The following METTL15 variants were observed in gnomAD, a reference collection of about 807,000 sequenced individuals.
METTL15 encodes methyltransferase 15, mitochondrial 12S rRNA N4-cytidine.
METTL15 carries 34 observed loss-of-function variants against 38.3 expected under a neutral mutation model. That is an observed-to-expected ratio of 0.89 (90% CI 0.68 to 1.18). The LOEUF (loss-of-function observed/expected upper bound fraction) is 1.18. Ranked by LOEUF, METTL15 falls within the 50% of genes most tolerant of loss-of-function variation. The pLI is 0.00. For synonymous variants in METTL15, 162 were observed against 170.9 expected (o/e 0.95, Z 0.41); for missense variants, 438 against 498.4 (o/e 0.88, Z 1.15).
At chr11:28,401,774 A>C (rs765334327) in intron 5 of METTL15, among the ~76,000 whole-genome samples, 8 of 151,982 alleles carry the variant, frequency 5.3e-5, no homozygotes, top group Non-Finnish European at 8.8e-5. Flanking sequence ...TGTAATTCAT[A>C]AGTTCTTGAG....
At chr11:28,138,671 A>G (rs185426585) in intron 3 of METTL15, among the ~76,000 whole-genome samples, 1 of 152,230 alleles carries the variant, frequency 6.6e-6, no homozygotes, top group African/African-American at 2.4e-5. Context: ...CTAACCGGAA[A>G]GTACTCATTC....
intron 6 of METTL15, among the ~76,000 whole-genome samples, chr11:28,450,861 G>A (rs1312703354): frequency 2.0e-5 from 3 of 152,100 alleles, no homozygotes; most frequent in African/African-American, 2.4e-5. Flanking sequence ...CATGTTCTAG[G>A]AGCCAACTAC....
intron 4 of METTL15, among the ~76,000 whole-genome samples, chr11:28,238,793 T>C (rs1276624989): frequency 6.6e-6 from 1 of 152,156 alleles, no homozygotes; most frequent in Non-Finnish European, 1.5e-5. Context: ...AGCTTTCAAC[T>C]GCCCCACCCC....
intron 6 of METTL15, among the ~76,000 whole-genome samples, chr11:28,298,157 CT>C (rs1856802278): frequency 6.6e-6 from 1 of 151,910 alleles, no homozygotes; most frequent in Non-Finnish European, 1.5e-5. Flanking sequence ...ATTTTCCCCC[CT>C]AAAAAAGTGT....
At chr11:28,374,390 A>T (rs936740127) in intron 5 of METTL15, among the ~76,000 whole-genome samples, 2 of 151,868 alleles carry the variant, frequency 1.3e-5, no homozygotes, top group African/African-American at 2.4e-5. Context: ...CATCCCTTGT[A>T]AGTTGGTTTC....
intron 6 of METTL15, among the ~76,000 whole-genome samples, chr11:28,323,846 G>GGA (rs1485690617): frequency 2.6e-5 from 4 of 152,120 alleles, no homozygotes; most frequent in African/African-American, 9.7e-5. Flanking sequence ...AACCTGATCT[G>GGA]GAATGTGAGA....
chr11:28,497,470 G>C (rs923321616), intron 6 of METTL15, among the ~76,000 whole-genome samples: 2 of 152,160 alleles, frequency 1.3e-5, no homozygotes, highest in Non-Finnish European at 2.9e-5. Flanking sequence ...GAATTCAGAC[G>C]CTTTTTCTGT....
chr11:28,232,334 T>G (rs1853720551), intron 4 of METTL15, among the ~76,000 whole-genome samples: 1 of 151,870 alleles, frequency 6.6e-6, no homozygotes, highest in African/African-American at 2.4e-5. Flanking sequence ...CAAGGGAATC[T>G]ATATGGGAAT....
chr11:28,200,902 T>C (rs1024679880), intron 3 of METTL15, among the ~76,000 whole-genome samples: 3 of 152,112 alleles, frequency 2.0e-5, no homozygotes, highest in Non-Finnish European at 2.9e-5. Flanking sequence ...CTTTGTTTCT[T>C]TCTCTTGCCT....
At chr11:28,529,654 T>C (rs879737541), downstream of METTL15, among the ~76,000 whole-genome samples, 3 of 150,814 alleles carry the variant, frequency 2.0e-5, no homozygotes, top group Non-Finnish European at 4.4e-5. Flanking sequence ...TAAAATGAAA[T>C]AAAAAATTGA....
intron 6 of METTL15, among the ~76,000 whole-genome samples, chr11:28,476,902 A>G (rs1322963262): frequency 6.6e-6 from 1 of 152,232 alleles, no homozygotes; most frequent in Non-Finnish European, 1.5e-5. Flanking sequence ...GAGAAGGACC[A>G]TAATAGACAT....
At position 28,332,826 on chromosome 11, in the gene METTL15, T is replaced by C. The variant is rs1849852836; in HGVS notation, c.*1985T>C. On this transcript the variant is annotated 3_prime_UTR_variant, in exon 7 of 7. Coordinates refer to ENST00000407364, the MANE Select transcript of METTL15 (RefSeq NM_001113528.2). Reference sequence around the variant, plus strand: ...AATTAGCCATGCGTGGTGCTTGTAATGTCAGCTACCCAGGAGTCTGAGGCA... The same window carrying C: ...AATTAGCCATGCGTGGTGCTTGTAACGTCAGCTACCCAGGAGTCTGAGGCA... The C allele has an allele frequency of 6.6e-6, 1 of 151,796 alleles. No homozygotes were observed. Among genetic ancestry groups the C allele is most frequent in the East Asian group, 1.9e-4 (1 of 5,158 alleles). 9.4% of individuals were successfully genotyped at this position (151,796 alleles called of 1,614,324 possible). A position where few individuals can be genotyped will look rare whatever the true frequency, so the allele number is the denominator to read the frequency against.
intron 4 of METTL15, among the ~76,000 whole-genome samples, chr11:28,285,393 C>G (rs1222566493): frequency 1.3e-5 from 2 of 150,582 alleles, no homozygotes; most frequent in Non-Finnish European, 3.0e-5. Context: ...ATTAGTTATC[C>G]TTAGTGTTAG....
intron 4 of METTL15, among the ~76,000 whole-genome samples, chr11:28,289,808 T>C (rs978956431): frequency 6.6e-5 from 10 of 152,196 alleles, no homozygotes; most frequent in African/African-American, 2.4e-4. Context: ...ATTTATATTA[T>C]AGTGTTGTAT....
chr11:28,426,355 G>T (rs775430403), intron 6 of METTL15, among the ~76,000 whole-genome samples: 2 of 152,106 alleles, frequency 1.3e-5, no homozygotes, highest in Non-Finnish European at 2.9e-5. Context: ...TGGGTGTTTA[G>T]TTTGATTCCA....
At chr11:28,339,592 G>A (rs1050376025) in intron 3 of METTL15, among the ~76,000 whole-genome samples, 1 of 151,052 alleles carries the variant, frequency 6.6e-6, no homozygotes, top group Non-Finnish European at 1.5e-5. Context: ...TAACTCAGGT[G>A]TAATTGGCCT....
intron 6 of METTL15, among the ~76,000 whole-genome samples, chr11:28,437,430 A>G (rs1850993234): frequency 6.6e-6 from 1 of 152,246 alleles, no homozygotes; most frequent in Admixed American, 6.5e-5. Flanking sequence ...ATGCACATAT[A>G]GGGATGCAAC....
intron 6 of METTL15, among the ~76,000 whole-genome samples, chr11:28,325,365 T>C (rs1360691711): frequency 6.6e-6 from 1 of 152,094 alleles, no homozygotes; most frequent in Non-Finnish European, 1.5e-5. Context: ...AAGACATAGG[T>C]CTTGGATACA....
At chr11:28,360,957 T>C (rs1432453178) in intron 4 of METTL15, among the ~76,000 whole-genome samples, 3 of 152,038 alleles carry the variant, frequency 2.0e-5, no homozygotes, top group African/African-American at 4.8e-5. Flanking sequence ...TGATTTCCAA[T>C]TTCATCCATG....
Sources: allele counts gnomAD v4.1 joint callset (sites outside exome capture counted in the v4.1 genomes callset), GRCh38; gene constraint gnomAD v4.1.1; transcripts MANE v1.5; gene names NCBI Gene and HGNC (gene_info 2026-07-23, HGNC 2026-07-21).